The following ZNF107 variants were observed in gnomAD, a reference collection of about 807,000 sequenced individuals.
ZNF107 encodes zinc finger protein 107, also known as C2H2 type zinc-finger protein.
Under a neutral mutation model 12.3 loss-of-function variants are expected in ZNF107, and 19 were observed. That is an observed-to-expected ratio of 1.55 (90% CI 1.08 to 2.27). ZNF107 has a LOEUF of 2.27. Ranked by LOEUF, ZNF107 falls within the 30% of genes most tolerant of loss-of-function variation. The pLI is 0.00. For missense variants in ZNF107, 958 were observed against 979.9 expected, an observed-to-expected ratio of 0.98 and a Z score of 0.30; for synonymous variants, 317 against 330.5, an observed-to-expected ratio of 0.96 and a Z score of 0.44.
chr7:64,707,845 A>T lies in ZNF107; in HGVS notation c.1748A>T (p.His583Leu). 6 of 1,613,494 alleles carry T rather than the reference A, an allele frequency of 3.7e-6. No individual in the cohort carries two copies. Among genetic ancestry groups the T allele is most frequent in the Non-Finnish European group, 5.1e-6 (6 of 1,179,716 alleles). Residue 583 changes from histidine to leucine, a missense_variant, in exon 4 of 4, where the codon CAT becomes CTT. Physicochemically the swap from His to Leu is moderately conservative, Grantham distance 99 (BLOSUM62 -3). Coordinates refer to ENST00000620827, the MANE Select transcript of ZNF107 (RefSeq NM_001282359.2). ...AFNQSYQLTRHKIVHTKEKLN... is the reference protein window; with the variant it reads ...AFNQSYQLTRLKIVHTKEKLN... ...AATCAATCCTATCAACTTACTAGAC[A>T]TAAGATAGTTCATACTAAAGAGAAA...
intron 1 of ZNF107, among the ~76,000 whole-genome samples, chr7:64,668,153 C>CT (rs796576023): frequency 1.4e-3 from 209 of 150,856 alleles, no homozygotes; most frequent in African/African-American, 4.1e-3. Flanking sequence ...CATCTGTTTT[C>CT]TTTTTTTTTA....
In ZNF107 at chr7:64,709,842, G is replaced by T. The variant is rs1472631364; in HGVS notation, c.*1186G>T. On this transcript the variant is annotated 3_prime_UTR_variant, in exon 4 of 4. Coordinates refer to ENST00000620827, the MANE Select transcript of ZNF107 (RefSeq NM_001282359.2). ...TATAAGCCTTTAAAGTGAAGAAGAGGAGCCAGTTGTGCTGGCTCACATCTG... is the reference window on the plus strand; with the variant it reads ...TATAAGCCTTTAAAGTGAAGAAGAGTAGCCAGTTGTGCTGGCTCACATCTG... The T allele has an allele frequency of 2.4e-6, 1 of 424,576 alleles. No homozygotes were observed. The highest frequency in any genetic ancestry group is 4.6e-6 in the Non-Finnish European group (1 of 215,460). 26.3% of individuals were successfully genotyped at this position (424,576 alleles called of 1,614,324 possible). A position where few individuals can be genotyped will look rare whatever the true frequency, so the allele number is the denominator to read the frequency against.
chr7:64,699,586 A>G (rs1238495374), intron 3 of ZNF107, among the ~76,000 whole-genome samples: 1 of 152,032 alleles, frequency 6.6e-6, no homozygotes, highest in Non-Finnish European at 1.5e-5. Context: ...TGGGACCACC[A>G]TGTCTGGATA....
chr7:64,687,125 T>C, intron 1 of ZNF107: 10 of 985,532 alleles, frequency 1.0e-5, no homozygotes, highest in Non-Finnish European at 1.2e-5. Context: ...CCTCTCAATA[T>C]AATCATTTTC....
intron 3 of ZNF107, among the ~76,000 whole-genome samples, chr7:64,695,418 A>G (rs771400449): frequency 6.6e-6 from 1 of 152,208 alleles, no homozygotes; most frequent in Non-Finnish European, 1.5e-5. Context: ...TTAATGGTAC[A>G]TCAATATTGC....
In ZNF107 at chr7:64,666,218, C is replaced by T. The variant is rs1411769057; in HGVS notation, c.-65C>T. ...GCTCCTAGAGGCCCAGCCTCTGTGT[C>T]CCTGTGACCTGCAGATATTGGGAGA... On this transcript the variant is annotated 5_prime_UTR_variant, in exon 1 of 4. Transcript: ENST00000620827. 1.3e-6 allele frequency: 2 copies of T among 1,595,234 alleles called. No homozygotes were observed. Among genetic ancestry groups the T allele is most frequent in the Non-Finnish European group, 8.6e-7 (1 of 1,167,730 alleles).
In ZNF107 at chr7:64,679,297, G is replaced by A. The variant is rs568306257; in HGVS notation, c.4-11951G>A. ...GACCCACCCGCGACCTCGGTACCTC[G>A]GACCAGCTCTGTAAAAGCCCCGCCT... On this transcript the variant is annotated intron_variant, in intron 1 of 3. Transcript: ENST00000620827. 5.9e-5 allele frequency: 58 copies of A among 985,024 alleles called. No homozygotes were observed. In the East Asian group the frequency reaches 1.4e-3, roughly 24 times the overall value. 61.0% of individuals were successfully genotyped at this position (985,024 alleles called of 1,614,324 possible). A position where few individuals can be genotyped will look rare whatever the true frequency, so the allele number is the denominator to read the frequency against.
intron 3 of ZNF107, among the ~76,000 whole-genome samples, chr7:64,693,457 T>TA (rs1392877078): frequency 7.9e-5 from 12 of 152,020 alleles, no homozygotes; most frequent in Non-Finnish European, 1.8e-4. Flanking sequence ...TTTTATAAAC[T>TA]AATTTTAGGA....
At chr7:64,693,243 G>C (rs1261635483) in intron 3 of ZNF107, among the ~76,000 whole-genome samples, 2 of 139,844 alleles carry the variant, frequency 1.4e-5, no homozygotes, top group African/African-American at 5.4e-5. Flanking sequence ...TCGATCTCCT[G>C]ACCTCATGAT....
chr7:64,689,243 A>G (rs2862799), intron 1 of ZNF107: 79,042 of 151,840 alleles, frequency 0.52, 20,828 homozygotes, highest in East Asian at 0.67. Context: ...TAGAATCTGT[A>G]CATAAGGTCT....
At chr7:64,703,544 C>T (rs1038875735) in intron 3 of ZNF107, among the ~76,000 whole-genome samples, 8 of 152,160 alleles carry the variant, frequency 5.3e-5, no homozygotes, top group Admixed American at 3.9e-4. Context: ...ATTCTCCTAT[C>T]TTAGCCTTCT....
intron 1 of ZNF107, among the ~76,000 whole-genome samples, chr7:64,671,331 C>T (rs1027790568): frequency 6.6e-6 from 1 of 152,190 alleles, no homozygotes; most frequent in Non-Finnish European, 1.5e-5. Context: ...TGTCCACACC[C>T]CTCCCAGGAC....
chr7:64,707,028 A>G lies in ZNF107; in HGVS notation c.931A>G (p.Asn311Asp). Residue 311 changes from asparagine to aspartate, a missense_variant, in exon 4 of 4, where the codon AAC (asparagine) becomes GAC (aspartate). Asn to Asp is a conservative substitution (Grantham distance 23, BLOSUM62 1). Transcript: ENST00000620827. The stretch of plus-strand genomic sequence containing the variant: ...ACAAAAGATACTTCACACTGGAGAG[A>G]ACCTCTACAAGTGTAAAGAATGTGG... ...TTQKILHTGE[N>D]LYKCKECGKA... 6.2e-7 allele frequency: 1 copy of G among 1,613,302 alleles called. No homozygotes were observed. The highest frequency in any genetic ancestry group is 1.1e-5 in the South Asian group (1 of 90,986).
chr7:64,695,206 G>A (rs1051787102), intron 3 of ZNF107, among the ~76,000 whole-genome samples: 6 of 151,920 alleles, frequency 3.9e-5, no homozygotes, highest in African/African-American at 7.3e-5. Context: ...TGTAAGAATA[G>A]CATATATTTT....
chr7:64,666,329 G>T lies in ZNF107; in HGVS notation c.3+44G>T, dbSNP rs919086793. 3 of 1,602,784 alleles carry T rather than the reference G, an allele frequency of 1.9e-6. No individual in the cohort carries two copies. The African/African-American group carries it at 4.0e-5, about 21-fold the overall frequency. On this transcript the variant is annotated intron_variant, in intron 1 of 3. Coordinates refer to ENST00000620827, the MANE Select transcript of ZNF107 (RefSeq NM_001282359.2). ...ACATCCCGAGAGAGGGGGAGGGGCT[G>T]GTTGGAACCGATCGGAAGTGGCTGT...
intron 1 of ZNF107, among the ~76,000 whole-genome samples, chr7:64,683,689 T>G (rs1789779995): frequency 6.6e-6 from 1 of 152,194 alleles, no homozygotes. Context: ...TTTCTCATCA[T>G]GGAAGTCCGT....
Position 64,709,790 on chromosome 7 carries a change from A to AT in ZNF107, c.*1139dup. 3 of 448,946 alleles carry AT rather than the reference A, an allele frequency of 6.7e-6. No homozygotes were observed. The highest frequency in any genetic ancestry group is 4.8e-5 in the South Asian group (3 of 62,618). 27.8% of individuals were successfully genotyped at this position (448,946 alleles called of 1,614,324 possible). On this transcript the variant is annotated 3_prime_UTR_variant, in exon 4 of 4. Coordinates refer to ENST00000620827, the MANE Select transcript of ZNF107 (RefSeq NM_001282359.2). ...ACGTAATAAAAGCATTATAAATGCA[A>AT]TTTTTGTCAAGAGATCTTTCAGAAA...
intron 1 of ZNF107, among the ~76,000 whole-genome samples, chr7:64,676,865 T>A (rs892172346): frequency 2.0e-5 from 3 of 152,198 alleles, no homozygotes; most frequent in African/African-American, 7.2e-5. Flanking sequence ...TATGTTATCT[T>A]ATGTAAAAAT....
chr7:64,683,149 G>GTT (rs1159851892), intron 1 of ZNF107, among the ~76,000 whole-genome samples: 1 of 152,176 alleles, frequency 6.6e-6, no homozygotes, highest in Non-Finnish European at 1.5e-5. Flanking sequence ...AACTCACGCT[G>GTT]TCTCTCTCTA....
Sources: gnomAD v4.1 joint callset for allele counts (sites outside exome capture counted in the v4.1 genomes callset) on GRCh38, gnomAD v4.1.1 for gene constraint, MANE v1.5 for transcripts, NCBI Gene and HGNC (gene_info 2026-07-23, HGNC 2026-07-21) for gene names.